The following GDF1 variants were observed in gnomAD, a reference collection of about 807,000 sequenced individuals.
GDF1 encodes the protein growth differentiation factor 1.
Under a neutral mutation model 7.4 loss-of-function variants are expected in GDF1, and 8 were observed. The observed-to-expected ratio is 1.09, with a 90% confidence interval of 0.64 to 1.96. The LOEUF is 1.96. Among genes scored for constraint, GDF1 ranks in the 30% most tolerant of loss-of-function variants. The pLI is 0.00. For synonymous variants in GDF1, 311 were observed against 276.7 expected, an observed-to-expected ratio of 1.12 and a Z score of -1.23; for missense variants, 574 against 551.5, an observed-to-expected ratio of 1.04 and a Z score of -0.41.
At chr19:18,885,728 C>T (rs1335818749) in intron 2 of GDF1, among the ~76,000 whole-genome samples, 1 of 149,836 alleles carries the variant, frequency 6.7e-6, no homozygotes, top group African/African-American at 2.5e-5. Flanking sequence ...ATCATGTTGG[C>T]CAGGCTGGTC....
rs1461591525 is a variant in GDF1, at chr19:18,870,288, C to T, written c.20G>A (p.Gly7Asp). The change falls in exon 7 of 8, where the codon GGT becomes GAT. Residue 7 changes from glycine (G) to aspartate (D), a missense_variant. Coordinates refer to ENST00000247005, the MANE Select transcript of GDF1 (RefSeq NM_001492.6). The surrounding 1 kb of genome is among the most constrained non-coding windows in gnomAD (Gnocchi z 5.1). ...GAGGAGGAGGTGGTGGCCGCAGGGA[C>T]CTTGCTGCGGCGGTGGCATCTTCCT... MPPPQQ[G>D]PCGHHLLLLL... is the part of the protein sequence containing the mutation. The T allele has an allele frequency of 1.9e-6, 3 of 1,547,632 alleles. No individual in the cohort carries two copies. Among genetic ancestry groups the T allele is most frequent in the Admixed American group, 2.0e-5 (1 of 50,968 alleles).
Position 18,868,639 on chromosome 19 carries a change from C to T in GDF1, c.1077G>A (p.Arg359=), listed in dbSNP as rs757137495. 16 of 1,574,720 alleles carry T rather than the reference C, an allele frequency of 1.0e-5. No homozygotes were observed. Among genetic ancestry groups the T allele is most frequent in the Admixed American group, 3.7e-5 (2 of 54,650 alleles). Residue 359 remains arginine (R), a synonymous_variant, in exon 8 of 8, where the codon CGG becomes CGA. Coordinates refer to ENST00000247005, the MANE Select transcript of GDF1 (RefSeq NM_001492.6). ...FFDNSDNVVL[R]QYEDMVVDEC... ...CGTCCACCACCATGTCCTCATACTG[C>T]CGCAGCACCACGTTGTCGCTGTTGT... is the stretch of plus-strand genomic sequence containing the variant.
Position 18,896,103 on chromosome 19 carries a change from T to G in GDF1, c.-1353A>C, listed in dbSNP as rs2056621942. ...CCGCTCGCCCGCCGTGCCCGTCGCC[T>G]GCGCCCGCCCGCGGTAGCCGACGGA... On this transcript the variant is annotated 5_prime_UTR_variant, in exon 1 of 8. Coordinates refer to ENST00000247005, the MANE Select transcript of GDF1 (RefSeq NM_001492.6). The surrounding 1 kb of genome is among the most constrained non-coding windows in gnomAD (Gnocchi z 5.9). 1.1e-6 allele frequency: 1 copy of G among 872,778 alleles called. No individual in the cohort carries two copies. Among genetic ancestry groups the G allele is most frequent in the Non-Finnish European group, 1.4e-6 (1 of 730,670 alleles). 54.1% of individuals were successfully genotyped at this position (872,778 alleles called of 1,614,324 possible). A position where few individuals can be genotyped will look rare whatever the true frequency, so the allele number is the denominator to read the frequency against.
chr19:18,893,473 A>G lies in GDF1; in HGVS notation c.-971T>C, dbSNP rs2056546580. 1 of 1,607,194 alleles carries G rather than the reference A, an allele frequency of 6.2e-7. No homozygotes were observed. ...GGGTAGTCGGTGCCAAACAGCAGGTAGGCACTGTAGCTCCAGCTGCCCAGG... is the reference window on the plus strand; with the variant it reads ...GGGTAGTCGGTGCCAAACAGCAGGTGGGCACTGTAGCTCCAGCTGCCCAGG... On this transcript the variant is annotated 5_prime_UTR_variant, in exon 2 of 8. Transcript: ENST00000247005.
chr19:18,873,676 T>TA (rs758482483), intron 6 of GDF1, among the ~76,000 whole-genome samples: 11 of 151,152 alleles, frequency 7.3e-5, no homozygotes, highest in South Asian at 6.3e-4. Context: ...TCATCTCTAC[T>TA]AAAAAAAATA....
rs1302473366 is a variant in GDF1, at chr19:18,870,432, G to T, written c.-125C>A. 2 of 994,916 alleles carry T rather than the reference G, an allele frequency of 2.0e-6. No individual in the cohort carries two copies. Among genetic ancestry groups the T allele is most frequent in the African/African-American group, 1.7e-5 (1 of 60,314 alleles). 61.6% of individuals were successfully genotyped at this position (994,916 alleles called of 1,614,324 possible). The stretch of plus-strand genomic sequence containing the variant: ...TGGGGGGCGTGGCCGGGAACTGGAG[G>T]CAGGATGAGGGGGCGGGGTCCCAGG... On this transcript the variant is annotated 5_prime_UTR_variant, in exon 7 of 8. Transcript: ENST00000247005. This position sits in a 1 kb window ranked among gnomAD's most constrained non-coding sequence, Gnocchi z 5.1.
chr19:18,884,415 C>G, intron 2 of GDF1, 148 bp from the exon 3 acceptor site: 1 of 695,498 alleles, frequency 1.4e-6, no homozygotes, highest in Non-Finnish European at 2.2e-6. Flanking sequence ...ATTCCCAATT[C>G]TATTTTTTTT....
chr19:18,878,668 C>A lies in GDF1; in HGVS notation c.-313+262G>T. On this transcript the variant is annotated intron_variant, in intron 6 of 7. Coordinates refer to ENST00000247005, the MANE Select transcript of GDF1 (RefSeq NM_001492.6). This position sits in a 1 kb window ranked among gnomAD's most constrained non-coding sequence, Gnocchi z 4.6. The stretch of plus-strand genomic sequence containing the variant: ...CACACCAGCCACTAGGCCTGGCCCT[C>A]AGTGTCCCTACCGCTGAGACCCTGC... 7.7e-7 allele frequency: 1 copy of A among 1,299,812 alleles called. No homozygotes were observed. The highest frequency in any genetic ancestry group is 9.8e-7 in the Non-Finnish European group (1 of 1,016,274). The allele number at this position is 1,299,812 out of a possible 1,614,324, so 80.5% of individuals were successfully genotyped here. A position where few individuals can be genotyped will look rare whatever the true frequency, so the allele number is the denominator to read the frequency against.
At chr19:18,893,339 T>C (rs2056542058) in intron 2 of GDF1, 77 bp downstream of exon 2, 1 of 1,468,676 alleles carries the variant, frequency 6.8e-7, no homozygotes, top group African/African-American at 1.4e-5. Flanking sequence ...TTCTGCCTCA[T>C]GAGTAGCTGG....
intron 2 of GDF1, among the ~76,000 whole-genome samples, chr19:18,887,961 T>C (rs2056400966): frequency 2.0e-5 from 3 of 152,124 alleles, no homozygotes. Flanking sequence ...TCTGTCTCTA[T>C]GAGTGGGATG....
rs1043171742 is a variant in GDF1 at position 18,878,275 on chromosome 19, C to T, written c.-313+655G>A. The T allele has an allele frequency of 1.5e-5, 15 of 985,586 alleles. No homozygotes were observed. The highest frequency in any genetic ancestry group is 6.2e-5 in the Admixed American group (1 of 16,248). The allele number at this position is 985,586 out of a possible 1,614,324, so 61.1% of individuals were successfully genotyped here. Reference sequence around the variant, plus strand: ...TCTGCTTGTTACCCAGTTTGGCCTCCGTTCATCCCTGGCCCAGACACCCCC... The same window carrying T: ...TCTGCTTGTTACCCAGTTTGGCCTCTGTTCATCCCTGGCCCAGACACCCCC... On this transcript the variant is annotated intron_variant, in intron 6 of 7. Coordinates refer to ENST00000247005, the MANE Select transcript of GDF1 (RefSeq NM_001492.6). This position sits in a 1 kb window ranked among gnomAD's most constrained non-coding sequence, Gnocchi z 4.6.
At chr19:18,883,964 ACCC>A (rs939529690) in intron 3 of GDF1, 120 bp downstream of exon 3, 2 of 1,070,000 alleles carry the variant, frequency 1.9e-6, no homozygotes, top group African/African-American at 3.2e-5. Flanking sequence ...TGACCTTGGA[ACCC>A]TGAGCACTCC....
intron 7 of GDF1, among the ~76,000 whole-genome samples, chr19:18,869,746 G>A (rs1168290121): frequency 1.3e-5 from 2 of 151,938 alleles, no homozygotes; most frequent in Non-Finnish European, 2.9e-5. Flanking sequence ...GGCATGGGGT[G>A]GGGACAGGGC....
Position 18,870,235 on chromosome 19 carries a change from G to T in GDF1, c.73C>A (p.Pro25Thr), listed in dbSNP as rs774207034. ...LLLALLLPSL[P>T]LTRAPVPPGP... is the part of the protein sequence containing the mutation. Reference sequence around the variant, plus strand: ...GGGGGCACGGGGGCGCGGGTCAGGGGCAGCGAGGGCAGCAGCAGGGCCAGG... The same window carrying T: ...GGGGGCACGGGGGCGCGGGTCAGGGTCAGCGAGGGCAGCAGCAGGGCCAGG... The change falls in exon 7 of 8, where the codon CCC (proline) becomes ACC (threonine). Residue 25 changes from proline to threonine, a missense_variant. Transcript: ENST00000247005. The surrounding 1 kb of genome is among the most constrained non-coding windows in gnomAD (Gnocchi z 5.1). The T allele has an allele frequency of 1.9e-6, 3 of 1,552,698 alleles. No homozygotes were observed. In the South Asian group the frequency reaches 3.5e-5, roughly 18 times the overall value.
rs1159695574 is a variant in GDF1 at position 18,870,845 on chromosome 19, G to A, written c.-312-226C>T. Among the ~76,000 whole-genome samples, 1 of 151,690 alleles carries A rather than the reference G, an allele frequency of 6.6e-6. No homozygotes were observed. The highest frequency in any genetic ancestry group is 2.4e-5 in the African/African-American group (1 of 41,252). On this transcript the variant is annotated intron_variant, in intron 6 of 7. Coordinates refer to ENST00000247005, the MANE Select transcript of GDF1 (RefSeq NM_001492.6). The surrounding 1 kb of genome is among the most constrained non-coding windows in gnomAD (Gnocchi z 5.1). ...GCACGTATGTCCCCCCTGGCACCCTGGCACTTCCTCCTTGCTTCCCCCTCT... is the reference window on the plus strand; with the variant it reads ...GCACGTATGTCCCCCCTGGCACCCTAGCACTTCCTCCTTGCTTCCCCCTCT...
At chr19:18,879,064 AGT>A (rs1347039819) in intron 5 of GDF1, 25 bp from the exon 6 acceptor site, 2 of 1,610,578 alleles carry the variant, frequency 1.2e-6, no homozygotes, top group Admixed American at 3.4e-5. Context: ...GGGAGGTGCC[AGT>A]GAGAAGAAAG....
chr19:18,895,362 C>G lies in GDF1; in HGVS notation c.-1074+462G>C, dbSNP rs902908186. Among the ~76,000 whole-genome samples, 1 of 152,226 alleles carries G rather than the reference C, an allele frequency of 6.6e-6. No homozygotes were observed. On this transcript the variant is annotated intron_variant, in intron 1 of 7. Transcript: ENST00000247005. This position sits in a 1 kb window ranked among gnomAD's most constrained non-coding sequence, Gnocchi z 6.4. ...ATGGCAGGGAGGCGCATGGCGCAGG[C>G]CGCGGTGCGCCGAGCCCTCCCGTTC...
At chr19:18,882,367 T>C (rs998768540) in intron 3 of GDF1, among the ~76,000 whole-genome samples, 1 of 151,544 alleles carries the variant, frequency 6.6e-6, no homozygotes, top group African/African-American at 2.4e-5. Context: ...ACGTGGTGGC[T>C]CACACCTGTA....
At chr19:18,871,014 G>C (rs1293474917) in intron 6 of GDF1, among the ~76,000 whole-genome samples, 1 of 151,888 alleles carries the variant, frequency 6.6e-6, no homozygotes. Context: ...CCCACCCCAC[G>C]AAGGCTAGTC....
Sources: gnomAD v4.1 joint callset for allele counts (sites outside exome capture counted in the v4.1 genomes callset) on GRCh38, gnomAD v4.1.1 for gene constraint, Gnocchi (gnomAD v3.1) non-coding constraint, MANE v1.5 for transcripts, NCBI Gene and HGNC (gene_info 2026-07-23, HGNC 2026-07-21) for gene names.